The following RNF11 variants were observed in gnomAD, a reference collection of about 807,000 sequenced individuals.
RNF11 encodes ring finger protein 11.
RNF11 carries 4 observed loss-of-function variants against 15.8 expected under a neutral mutation model. The ratio of observed to expected loss-of-function variants is 0.25; its 90% CI spans 0.12 to 0.58. The LOEUF (loss-of-function observed/expected upper bound fraction) is 0.58. RNF11 is among the 20% of genes least tolerant of loss of function. The pLI, the probability that RNF11 is intolerant of heterozygous loss-of-function variation, is 0.91. For synonymous variants in RNF11, 68 were observed against 72.3 expected (o/e 0.94, Z 0.30); for missense variants, 139 against 194.4 (o/e 0.71, Z 1.70).
rs554928545 is a variant in RNF11 at position 51,241,185 on chromosome 1, T to C, written c.123+4306T>C. Among the ~76,000 whole-genome samples, 30 of 152,330 alleles carry C rather than the reference T, an allele frequency of 2.0e-4. 2 individuals are homozygous for C. The South Asian group carries it at 6.0e-3, about 30-fold the overall frequency. On this transcript the variant is annotated intron_variant, in intron 1 of 2. Transcript: ENST00000242719. The stretch of plus-strand genomic sequence containing the variant: ...TGTTGCTAGTCTCAAACTCCTGGGC[T>C]CAAGGGATACTCCTGCCTCAGCCTC...
chr1:51,239,019 C>T (rs563848678), intron 1 of RNF11, among the ~76,000 whole-genome samples: 2 of 152,188 alleles, frequency 1.3e-5, no homozygotes, highest in South Asian at 2.1e-4. Flanking sequence ...CATGAGCCAC[C>T]GCATCTGGCA....
intron 1 of RNF11, among the ~76,000 whole-genome samples, chr1:51,264,307 TATATATATATACACACAC>T (rs1312096816): frequency 9.7e-6 from 1 of 103,018 alleles, no homozygotes; most frequent in Non-Finnish European, 1.8e-5. Context: ...TATATATATA[TATATATATATACACACAC>T]ACACACACAC....
intron 1 of RNF11, among the ~76,000 whole-genome samples, chr1:51,260,363 A>C (rs868019875): frequency 7.9e-5 from 12 of 152,166 alleles, no homozygotes; most frequent in Non-Finnish European, 1.5e-4. Flanking sequence ...CTTTAATTAA[A>C]ATTTTTTAGG....
intron 1 of RNF11, among the ~76,000 whole-genome samples, chr1:51,251,959 A>T (rs918364628): frequency 1.3e-5 from 2 of 151,740 alleles, no homozygotes; most frequent in African/African-American, 4.8e-5. Context: ...CATGCCTGTA[A>T]TCTCAGCTAC....
At chr1:51,238,476 A>G (rs994223221) in intron 1 of RNF11, among the ~76,000 whole-genome samples, 2 of 152,190 alleles carry the variant, frequency 1.3e-5, no homozygotes, top group African/African-American at 4.8e-5. Flanking sequence ...GCCCTTGAGA[A>G]CAGGGACTCT....
chr1:51,252,377 AAGCCAAGACAGC>A (rs1478097177), intron 1 of RNF11, among the ~76,000 whole-genome samples: 1 of 152,138 alleles, frequency 6.6e-6, no homozygotes, highest in Non-Finnish European at 1.5e-5. Flanking sequence ...GCCAAGACAG[AAGCCAAGACAGC>A]AGATCATTTG....
chr1:51,258,679 A>C lies in RNF11; in HGVS notation c.124-11277A>C, dbSNP rs146939903. Among the ~76,000 whole-genome samples the C allele has an allele frequency of 1.1e-4, 17 of 152,352 alleles. 1 individual carries two copies. The East Asian group carries it at 3.1e-3, about 28-fold the overall frequency. On this transcript the variant is annotated intron_variant, in intron 1 of 2. Coordinates refer to ENST00000242719, the MANE Select transcript of RNF11 (RefSeq NM_014372.5). ...ATTTGGAAGTAAACAGCCCTGCCTC[A>C]GCAAATTTCTCGAGTTAATAAAATG...
At chr1:51,239,072 C>T (rs1646817729) in intron 1 of RNF11, among the ~76,000 whole-genome samples, 1 of 151,926 alleles carries the variant, frequency 6.6e-6, no homozygotes, top group African/African-American at 2.4e-5. Context: ...CTACCCTCAC[C>T]CCCTTCTATT....
At chr1:51,242,299 T>C (rs1347582649) in intron 1 of RNF11, among the ~76,000 whole-genome samples, 4 of 151,728 alleles carry the variant, frequency 2.6e-5, no homozygotes, top group African/African-American at 9.7e-5. Context: ...TCAAATTGTG[T>C]CTGCATAAAG....
intron 1 of RNF11, among the ~76,000 whole-genome samples, chr1:51,241,146 A>G (rs999927980): frequency 1.3e-5 from 2 of 151,882 alleles, no homozygotes; most frequent in Admixed American, 1.3e-4. Flanking sequence ...AAAAATAGAG[A>G]CAGGGTCTCA....
chr1:51,249,091 G>A (rs575777823), intron 1 of RNF11, among the ~76,000 whole-genome samples: 2 of 152,288 alleles, frequency 1.3e-5, no homozygotes, highest in African/African-American at 4.8e-5. Flanking sequence ...TGGTGTTCAA[G>A]GATTTTGGAG....
At chr1:51,263,699 A>G (rs1383012771) in intron 1 of RNF11, among the ~76,000 whole-genome samples, 1 of 152,202 alleles carries the variant, frequency 6.6e-6, no homozygotes, top group Non-Finnish European at 1.5e-5. Flanking sequence ...GCAAATCTAT[A>G]GAGACAAAAA....
chr1:51,259,660 G>T (rs1024623470), intron 1 of RNF11, among the ~76,000 whole-genome samples: 1 of 151,924 alleles, frequency 6.6e-6, no homozygotes, highest in Non-Finnish European at 1.5e-5. Flanking sequence ...TTGATTTTTG[G>T]TCATGAAAGC....
chr1:51,238,419 C>A (rs780691834), intron 1 of RNF11, among the ~76,000 whole-genome samples: 4 of 152,218 alleles, frequency 2.6e-5, no homozygotes, highest in Admixed American at 1.3e-4. Context: ...TCCCTCGCAT[C>A]TGCCTCAGTA....
At position 51,272,846 on chromosome 1, in the gene RNF11, A is replaced by T. The variant is rs1002260423; in HGVS notation, c.*1524A>T. ...TTTTCTACATACAAAACACAGTGTC[A>T]TGAAGGTTATTCATAATTGCATTAT... On this transcript the variant is annotated 3_prime_UTR_variant, in exon 3 of 3. Transcript: ENST00000242719. The T allele has an allele frequency of 6.6e-6, 1 of 152,190 alleles. No individual in the cohort carries two copies. Among genetic ancestry groups the T allele is most frequent in the African/African-American group, 2.4e-5 (1 of 41,464 alleles). 9.4% of individuals were successfully genotyped at this position (152,190 alleles called of 1,614,324 possible).
chr1:51,252,081 C>CAAAAAAAAAA (rs928146865), intron 1 of RNF11, among the ~76,000 whole-genome samples: 3 of 53,574 alleles, frequency 5.6e-5, no homozygotes, highest in East Asian at 6.3e-4. Flanking sequence ...CATCTCAAAG[C>CAAAAAAAAAA]AAAAAAAAAA....
chr1:51,237,088 C>T (rs368191224), intron 1 of RNF11, among the ~76,000 whole-genome samples: 1 of 152,128 alleles, frequency 6.6e-6, no homozygotes, highest in South Asian at 2.1e-4. Context: ...GGGATGATAC[C>T]CTCTGCCCTT....
chr1:51,245,959 G>C (rs1489023628), intron 1 of RNF11, among the ~76,000 whole-genome samples: 1 of 152,106 alleles, frequency 6.6e-6, no homozygotes, highest in African/African-American at 2.4e-5. Context: ...CCTTGGCTGA[G>C]ACACAGTCAA....
intron 1 of RNF11, among the ~76,000 whole-genome samples, chr1:51,266,564 G>T (rs1646955530): frequency 6.6e-6 from 1 of 152,012 alleles, no homozygotes; most frequent in South Asian, 2.1e-4. Context: ...CTGGGCTCAA[G>T]CGATCCTGCT....
Sources: allele counts gnomAD v4.1 joint callset (sites outside exome capture counted in the v4.1 genomes callset), GRCh38; gene constraint gnomAD v4.1.1; transcripts MANE v1.5; gene names NCBI Gene and HGNC (gene_info 2026-07-23, HGNC 2026-07-21).